The following PTPRR variants were observed in gnomAD, a reference collection of about 807,000 sequenced individuals.
The protein encoded by PTPRR is receptor-type tyrosine-protein phosphatase R.
In PTPRR, 38 loss-of-function variants were observed where a neutral mutation model predicts 77.2. The observed-to-expected ratio is 0.49, with a 90% CI of 0.38 to 0.65. The LOEUF (loss-of-function observed/expected upper bound fraction) is 0.65. Among genes scored for constraint, PTPRR ranks in the 30% least tolerant of loss-of-function variants. The probability of loss-of-function intolerance (pLI) is 0.00; values close to 1 mark genes in which losing one functional copy is unlikely to be tolerated. For missense variants in PTPRR, 744 were observed against 799.2 expected (o/e 0.93, Z 0.83); for synonymous variants, 299 against 283.1 (o/e 1.06, Z -0.57).
chr12:70,661,131 C>A, intron 11 of PTPRR, 34 bp from the exon 12 acceptor site: 1 of 1,582,826 alleles, frequency 6.3e-7, no homozygotes. Context: ...ATGCCTCATT[C>A]ACTTGTAGAA....
chr12:70,813,855 T>C (rs186739474), intron 2 of PTPRR, among the ~76,000 whole-genome samples: 1 of 152,266 alleles, frequency 6.6e-6, no homozygotes, highest in East Asian at 1.9e-4. Context: ...AGGGTTTTCC[T>C]GGAGTTTTCA....
rs574514742 is a variant in PTPRR, at chr12:70,784,910, T to C, written c.358-20132A>G. On this transcript the variant is annotated intron_variant, in intron 2 of 13. Transcript: ENST00000283228. ...TGTTTACAGTTACTGATTATTACAC[T>C]TGTCAAGGAGCTTTCACCAAAAGTC... 2.6e-5 allele frequency among the ~76,000 whole-genome samples: 4 copies of C among 152,274 alleles called. No individual in the cohort carries two copies. In the South Asian group the frequency reaches 8.3e-4, roughly 32 times the overall value.
intron 2 of PTPRR, among the ~76,000 whole-genome samples, chr12:70,850,706 G>A (rs1276912458): frequency 1.3e-5 from 2 of 152,054 alleles, no homozygotes; most frequent in African/African-American, 4.8e-5. Context: ...TGTGCCTCTC[G>A]ACGCTTTTGG....
intron 5 of PTPRR, among the ~76,000 whole-genome samples, chr12:70,750,146 G>A (rs1256955994): frequency 6.6e-6 from 1 of 152,048 alleles, no homozygotes; most frequent in East Asian, 1.9e-4. Context: ...TTTTATGCCT[G>A]GCAACATTTT....
intron 10 of PTPRR, among the ~76,000 whole-genome samples, chr12:70,668,130 C>T (rs1887077604): frequency 6.6e-6 from 1 of 152,140 alleles, no homozygotes; most frequent in African/African-American, 2.4e-5. Context: ...TGGATGCAAT[C>T]ACTTCTTGCA....
intron 2 of PTPRR, among the ~76,000 whole-genome samples, chr12:70,860,225 G>A (rs1345026933): frequency 1.3e-5 from 2 of 152,066 alleles, no homozygotes; most frequent in East Asian, 3.9e-4. Flanking sequence ...CTAAGGAAAT[G>A]AATGCATAAG....
intron 2 of PTPRR, among the ~76,000 whole-genome samples, chr12:70,868,352 AC>A (rs963832458): frequency 9.9e-5 from 10 of 100,896 alleles, no homozygotes; most frequent in Admixed American, 7.6e-4. Flanking sequence ...AAAAAAAAAA[AC>A]AACCCCATCA....
chr12:70,799,507 C>G (rs1047674837), intron 2 of PTPRR, among the ~76,000 whole-genome samples: 2 of 152,012 alleles, frequency 1.3e-5, no homozygotes, highest in African/African-American at 4.8e-5. Flanking sequence ...TTCTAACAAG[C>G]AGTGTTCAGA....
At chr12:70,641,848 C>T (rs565960420) in intron 13 of PTPRR, among the ~76,000 whole-genome samples, 3 of 152,232 alleles carry the variant, frequency 2.0e-5, no homozygotes, top group South Asian at 2.1e-4. Context: ...ACCCAAAAGA[C>T]GTCTTAAGGC....
At chr12:70,716,336 TA>T (rs66838692) in intron 6 of PTPRR, among the ~76,000 whole-genome samples, 39,229 of 141,262 alleles carry the variant, frequency 0.28, 5,433 homozygotes, top group South Asian at 0.45. Flanking sequence ...GTCTTCTAAG[TA>T]AAAAAAAAAA....
chr12:70,795,682 C>T (rs758559233), intron 2 of PTPRR, among the ~76,000 whole-genome samples: 9 of 152,006 alleles, frequency 5.9e-5, no homozygotes, highest in Non-Finnish European at 1.3e-4. Context: ...CCAAAGCCAG[C>T]GGCAAAATTT....
chr12:70,913,014 G>T (rs1001327205), intron 1 of PTPRR, among the ~76,000 whole-genome samples: 3 of 152,006 alleles, frequency 2.0e-5, no homozygotes, highest in African/African-American at 7.2e-5. Flanking sequence ...ACTAGCTTTT[G>T]AATTTGACTC....
chr12:70,870,315 G>T (rs1382169484), intron 2 of PTPRR, among the ~76,000 whole-genome samples: 1 of 152,082 alleles, frequency 6.6e-6, no homozygotes, highest in Admixed American at 6.6e-5. Context: ...TCTGCAAAAT[G>T]GGAATAATAA....
chr12:70,747,821 C>T (rs889530251), intron 5 of PTPRR, among the ~76,000 whole-genome samples: 5 of 152,098 alleles, frequency 3.3e-5, no homozygotes, highest in African/African-American at 4.8e-5. Context: ...TTTAAAAATA[C>T]TCAAGAGATT....
chr12:70,902,607 G>A (rs1366422357), intron 1 of PTPRR, among the ~76,000 whole-genome samples: 5 of 151,778 alleles, frequency 3.3e-5, no homozygotes, highest in Non-Finnish European at 7.4e-5. Context: ...TATTGGAGAC[G>A]GTTATTCTAA....
Position 70,920,367 on chromosome 12 carries a change from A to C in PTPRR, c.24T>G (p.Pro8=). MRRAVCF[P]ALCLLLNLHA... is the part of the protein sequence containing the mutation. Reference sequence around the variant, plus strand: ...GAAGATTAAGGAGCAGGCACAGCGCAGGGAAGCAGACTGCTCTCCGCATAG... The same window carrying C: ...GAAGATTAAGGAGCAGGCACAGCGCCGGGAAGCAGACTGCTCTCCGCATAG... Residue 8 remains proline, a synonymous_variant, in exon 1 of 14, where the codon CCT becomes CCG. Transcript: ENST00000283228. 3 of 1,613,668 alleles carry C rather than the reference A, an allele frequency of 1.9e-6. No homozygotes were observed. Among genetic ancestry groups the C allele is most frequent in the Non-Finnish European group, 2.5e-6 (3 of 1,179,874 alleles).
At chr12:70,736,892 C>T (rs1301894616) in intron 6 of PTPRR, among the ~76,000 whole-genome samples, 1 of 152,092 alleles carries the variant, frequency 6.6e-6, no homozygotes, top group African/African-American at 2.4e-5. Flanking sequence ...ATCAAAGGAA[C>T]CTGGAGTGTA....
At chr12:70,742,807 G>C (rs1890093539) in intron 6 of PTPRR, among the ~76,000 whole-genome samples, 1 of 152,068 alleles carries the variant, frequency 6.6e-6, no homozygotes, top group Admixed American at 6.6e-5. Context: ...GAAGGTGCCA[G>C]GTCTTCATAA....
chr12:70,657,936 G>A (rs1449123833), intron 12 of PTPRR, among the ~76,000 whole-genome samples: 1 of 152,044 alleles, frequency 6.6e-6, no homozygotes, highest in African/African-American at 2.4e-5. Context: ...CAAGTCTCAA[G>A]TCTTTTCCTT....
Sources: allele counts gnomAD v4.1 joint callset (sites outside exome capture counted in the v4.1 genomes callset), GRCh38; gene constraint gnomAD v4.1.1; transcripts MANE v1.5; gene names NCBI Gene and HGNC (gene_info 2026-07-23, HGNC 2026-07-21).